ENPP2: variants seen among roughly 807,000 people sequenced by gnomAD.
ENPP2 encodes the protein ectonucleotide pyrophosphatase/phosphodiesterase 2.
ENPP2 carries 51 observed loss-of-function variants against 120.2 expected under a neutral mutation model. That is an observed-to-expected ratio of 0.42 (90% CI 0.34 to 0.54). The LOEUF (loss-of-function observed/expected upper bound fraction) is 0.54, where lower values mean the gene tolerates loss of function less well. Ranked by LOEUF, ENPP2 falls within the 20% of genes least tolerant of loss-of-function variation. The probability of loss-of-function intolerance (pLI) is 0.04; values close to 1 mark genes in which losing one functional copy is unlikely to be tolerated. For missense variants in ENPP2, 920 were observed against 1,066.5 expected, an observed-to-expected ratio of 0.86 and a Z score of 1.91; for synonymous variants, 365 against 366.4, an observed-to-expected ratio of 1.00 and a Z score of 0.04.
chr8:119,591,590 T>C (rs72688225), intron 12 of ENPP2, among the ~76,000 whole-genome samples: 8,098 of 152,174 alleles, frequency 0.053, 303 homozygotes, highest in Non-Finnish European at 0.08. Flanking sequence ...TGTTGGAGAA[T>C]ACTCATATAT....
intron 1 of ENPP2, among the ~76,000 whole-genome samples, chr8:119,655,666 T>C (rs940628741): frequency 8.5e-5 from 13 of 152,234 alleles, no homozygotes; most frequent in African/African-American, 2.9e-4. Flanking sequence ...ATGTCACAGA[T>C]GTTGTACAGA....
At chr8:119,603,786 T>A (rs972288389) in intron 9 of ENPP2, among the ~76,000 whole-genome samples, 1 of 152,168 alleles carries the variant, frequency 6.6e-6, no homozygotes. Flanking sequence ...GGCATTTGTG[T>A]AAACGTAAAT....
At chr8:119,664,702 G>A (rs1248748999) in intron 1 of ENPP2, among the ~76,000 whole-genome samples, 2 of 152,176 alleles carry the variant, frequency 1.3e-5, no homozygotes, top group South Asian at 2.1e-4. Flanking sequence ...AGCACTTTGG[G>A]AGAAAGAGGT....
chr8:119,578,739 A>G (rs1812519699), intron 19 of ENPP2, among the ~76,000 whole-genome samples: 1 of 152,190 alleles, frequency 6.6e-6, no homozygotes, highest in Non-Finnish European at 1.5e-5. Context: ...TGTGCCTTCT[A>G]CCAACAATGG....
chr8:119,587,999 T>A (rs983485620), intron 13 of ENPP2, among the ~76,000 whole-genome samples: 4 of 152,200 alleles, frequency 2.6e-5, no homozygotes, highest in African/African-American at 9.6e-5. Context: ...ACACTCAATA[T>A]ACATTTGTTA....
chr8:119,583,768 T>G lies in ENPP2; in HGVS notation c.1492A>C (p.Lys498Gln). The change falls in exon 17 of 25, where the codon AAG becomes CAG. Residue 498 changes from lysine to glutamine, a missense_variant. Physicochemically the swap from Lys to Gln is moderately conservative, Grantham distance 53. Transcript: ENST00000075322. ...TTTTCAAATGGAGGCACTTTAGTCT[T>G]GTACTTAAATGTTGAGCCATAACCT... ...FVGYGSTFKY[K>Q]TKVPPFENIE... The G allele has an allele frequency of 6.2e-7, 1 of 1,602,936 alleles. No homozygotes were observed. The highest frequency in any genetic ancestry group is 8.5e-7 in the Non-Finnish European group (1 of 1,170,870).
intron 8 of ENPP2, 112 bp downstream of exon 8, chr8:119,616,153 C>G (rs928506018): frequency 2.2e-6 from 2 of 927,100 alleles, no homozygotes. Flanking sequence ...AGAAACATTG[C>G]CAAGTATGAG....
At chr8:119,580,755 A>G (rs1396160088) in intron 18 of ENPP2, 1 of 152,662 alleles carries the variant, frequency 6.6e-6, no homozygotes, top group East Asian at 1.9e-4. Context: ...TTCTTATGGT[A>G]CATTTATACA....
chr8:119,569,784 C>T (rs1045458216), intron 20 of ENPP2, among the ~76,000 whole-genome samples: 14 of 126,848 alleles, frequency 1.1e-4, no homozygotes, highest in Non-Finnish European at 1.7e-4. Flanking sequence ...GTAGAATGTA[C>T]AAGAACATAC....
intron 8 of ENPP2, among the ~76,000 whole-genome samples, chr8:119,611,912 C>T (rs7012253): frequency 0.24 from 35,826 of 151,982 alleles, 4,603 homozygotes; most frequent in South Asian, 0.37. Flanking sequence ...GCCTGTAATC[C>T]CAGCTACCCA....
chr8:119,557,597 A>T lies in ENPP2; in HGVS notation c.2516T>A (p.Phe839Tyr). 6.2e-7 allele frequency: 1 copy of T among 1,612,778 alleles called. No individual in the cohort carries two copies. The highest frequency in any genetic ancestry group is 1.1e-5 in the South Asian group (1 of 91,010). The change falls in exon 25 of 25, where the codon TTC (phenylalanine) becomes TAC (tyrosine). Residue 839 changes from phenylalanine (F) to tyrosine (Y), a missense_variant. Coordinates refer to ENST00000075322, the MANE Select transcript of ENPP2 (RefSeq NM_001040092.3). ...TGGGTAGCTGCGGCTGGTCTTTCGG[A>T]AGAAGTCCAGGCTGGTGAGATGTTC... ...DIEHLTSLDF[F>Y]RKTSRSYPEI... is the part of the protein sequence containing the mutation.
At chr8:119,589,872 T>TTAAG (rs1466655510) in intron 13 of ENPP2, among the ~76,000 whole-genome samples, 1 of 152,154 alleles carries the variant, frequency 6.6e-6, no homozygotes, top group Non-Finnish European at 1.5e-5. Flanking sequence ...AGTCCACAAA[T>TTAAG]TAAGTTTGTA....
intron 1 of ENPP2, among the ~76,000 whole-genome samples, chr8:119,644,731 G>C (rs867154381): frequency 6.1e-5 from 9 of 148,676 alleles, no homozygotes; most frequent in African/African-American, 2.2e-4. Flanking sequence ...TCATATTGAG[G>C]TTTTAAAAAG....
intron 15 of ENPP2, among the ~76,000 whole-genome samples, chr8:119,585,369 T>A (rs1336518195): frequency 6.6e-6 from 1 of 152,242 alleles, no homozygotes; most frequent in Non-Finnish European, 1.5e-5. Context: ...CATCCCATAC[T>A]GATACAAGTT....
chr8:119,583,867 T>C, intron 16 of ENPP2, 63 bp from the exon 17 acceptor site: 1 of 1,373,210 alleles, frequency 7.3e-7, no homozygotes, highest in Non-Finnish European at 1.0e-6. Flanking sequence ...CTTCCTCTAT[T>C]TATGAATACT....
At chr8:119,618,285 T>C (rs1815618258) in intron 5 of ENPP2, 1 of 500,032 alleles carries the variant, frequency 2.0e-6, no homozygotes, top group Admixed American at 2.0e-5. Context: ...TCCATGAGTG[T>C]ATCCTCTCCC....
upstream of ENPP2, among the ~76,000 whole-genome samples, chr8:119,640,745 GTTTGTTTA>G (rs1160041489): frequency 6.6e-6 from 1 of 151,622 alleles, no homozygotes; most frequent in African/African-American, 2.4e-5. Context: ...TTTTGTTTTT[GTTTGTTTA>G]TTTGTTTATT....
At chr8:119,597,042 G>T (rs115449234) in intron 11 of ENPP2, among the ~76,000 whole-genome samples, 2,287 of 152,178 alleles carry the variant, frequency 0.015, 38 homozygotes, top group African/African-American at 0.043. Flanking sequence ...AGGAAGGGGC[G>T]GGAGGAGGAA....
At chr8:119,593,268 C>G (rs1442061764) in intron 12 of ENPP2, among the ~76,000 whole-genome samples, 1 of 152,214 alleles carries the variant, frequency 6.6e-6, no homozygotes, top group Non-Finnish European at 1.5e-5. Flanking sequence ...TGACTTCCCT[C>G]AGTGGATTCG....
Sources: allele counts gnomAD v4.1 joint callset (sites outside exome capture counted in the v4.1 genomes callset), GRCh38; gene constraint gnomAD v4.1.1; transcripts MANE v1.5; gene names NCBI Gene and HGNC (gene_info 2026-07-23, HGNC 2026-07-21).